ARHGAP10: variants seen among roughly 807,000 people sequenced by gnomAD.
ARHGAP10 encodes the protein rho GTPase-activating protein 10.
Under a neutral mutation model 108.6 loss-of-function variants are expected in ARHGAP10, and 87 were observed. The ratio of observed to expected loss-of-function variants is 0.80; its 90% CI spans 0.67 to 0.96. The LOEUF (loss-of-function observed/expected upper bound fraction) is 0.96. Among genes scored for constraint, ARHGAP10 ranks in the 40% least tolerant of loss-of-function variants. The probability of loss-of-function intolerance (pLI) is 0.00; values close to 1 mark genes in which losing one functional copy is unlikely to be tolerated. For synonymous variants in ARHGAP10, 347 were observed against 341.1 expected, an observed-to-expected ratio of 1.02 and a Z score of -0.19; for missense variants, 939 against 954.5, an observed-to-expected ratio of 0.98 and a Z score of 0.21.
intron 18 of ARHGAP10, among the ~76,000 whole-genome samples, chr4:148,021,030 G>A (rs1741548592): frequency 6.6e-6 from 1 of 152,158 alleles, no homozygotes; most frequent in Non-Finnish European, 1.5e-5. Context: ...AATCACCTGA[G>A]GAGCTTTAAG....
At chr4:147,771,877 C>T (rs1730097797) in intron 1 of ARHGAP10, among the ~76,000 whole-genome samples, 5 of 152,232 alleles carry the variant, frequency 3.3e-5, no homozygotes, top group Admixed American at 2.0e-4. Context: ...CTGCAACCTC[C>T]ACCTCCCAGG....
chr4:147,886,328 C>T (rs1271226104), intron 10 of ARHGAP10, among the ~76,000 whole-genome samples: 1 of 152,160 alleles, frequency 6.6e-6, no homozygotes, highest in Non-Finnish European at 1.5e-5. Flanking sequence ...AAGTTCCTCT[C>T]CTTCAGTGAC....
chr4:147,874,850 C>A (rs1026182115), intron 7 of ARHGAP10, among the ~76,000 whole-genome samples, 171 bp from the exon 8 acceptor site: 1 of 151,762 alleles, frequency 6.6e-6, no homozygotes, highest in Non-Finnish European at 1.5e-5. Flanking sequence ...TTTTTCTTTG[C>A]ACATGAATCT....
chr4:147,961,798 C>T (rs1456619868), intron 16 of ARHGAP10, among the ~76,000 whole-genome samples: 3 of 152,260 alleles, frequency 2.0e-5, no homozygotes, highest in Middle Eastern at 3.4e-3. Context: ...CCTTACCTCT[C>T]GAGTCCACTG....
Position 147,846,788 on chromosome 4 carries a change from T to G in ARHGAP10, c.313-363T>G, listed in dbSNP as rs149296751. On this transcript the variant is annotated intron_variant, in intron 3 of 22. Coordinates refer to ENST00000336498, the MANE Select transcript of ARHGAP10 (RefSeq NM_024605.4). ...ATCAATAAAGGAATGTAATTGAATT[T>G]TAAATTTCTAAGGAGGGGGAAGGAA... is the stretch of plus-strand genomic sequence containing the variant. Among the ~76,000 whole-genome samples, 154 of 152,302 alleles carry G rather than the reference T, an allele frequency of 1.0e-3. 4 individuals are homozygous for G. The East Asian group carries it at 0.021, about 21-fold the overall frequency.
Position 148,002,308 on chromosome 4 carries a change from G to A in ARHGAP10, c.1717-20955G>A, listed in dbSNP as rs537193951. ...AGCTTTTTGATGTGCTGCTGGATTC[G>A]GTTTGCCAGTATTTTATTGAGGATT... On this transcript the variant is annotated intron_variant, in intron 18 of 22. Coordinates refer to ENST00000336498, the MANE Select transcript of ARHGAP10 (RefSeq NM_024605.4). Among the ~76,000 whole-genome samples the A allele has an allele frequency of 2.1e-3, 327 of 152,192 alleles. 1 individual carries two copies. Among genetic ancestry groups the A allele is most frequent in the African/African-American group, 5.8e-3 (241 of 41,540 alleles).
Position 148,072,048 on chromosome 4 carries a change from G to C in ARHGAP10, c.2328G>C (p.Gly776=), listed in dbSNP as rs1730205911. The part of the protein sequence containing the change: ...WLEGTLNGKR[G]LIPQNYVKLL ...AAGGGACTCTGAACGGCAAGAGGGGGCTGATTCCACAGAACTACGTCAAGC... is the reference window on the plus strand; with the variant it reads ...AAGGGACTCTGAACGGCAAGAGGGGCCTGATTCCACAGAACTACGTCAAGC... The change falls in exon 23 of 23, where the codon GGG becomes GGC. Residue 776 remains glycine, a synonymous_variant. Transcript: ENST00000336498. 5 of 1,613,582 alleles carry C rather than the reference G, an allele frequency of 3.1e-6. No individual in the cohort carries two copies. The highest frequency in any genetic ancestry group is 1.7e-5 in the Admixed American group (1 of 59,986).
At chr4:147,837,683 C>G (rs1686911570) in intron 3 of ARHGAP10, among the ~76,000 whole-genome samples, 1 of 58,150 alleles carries the variant, frequency 1.7e-5, no homozygotes, top group Non-Finnish European at 4.4e-5. Context: ...CTTTTGAATC[C>G]AAGTCTTGGA....
chr4:147,858,487 A>C (rs1203442889), intron 5 of ARHGAP10: 4 of 152,240 alleles, frequency 2.6e-5, no homozygotes, highest in Non-Finnish European at 4.4e-5. Context: ...CTATTTAGTT[A>C]CATACTCTGT....
chr4:147,818,922 G>A (rs959450803), intron 1 of ARHGAP10, among the ~76,000 whole-genome samples: 2 of 152,166 alleles, frequency 1.3e-5, no homozygotes, highest in East Asian at 1.9e-4. Flanking sequence ...ATGAACTCTG[G>A]TAAAACCCTA....
chr4:147,851,974 C>T (rs75955913), intron 4 of ARHGAP10, among the ~76,000 whole-genome samples: 3 of 152,136 alleles, frequency 2.0e-5, no homozygotes, highest in African/African-American at 7.2e-5. Context: ...CTTAAGGCCT[C>T]TAAGTCTCAG....
chr4:148,039,224 T>C (rs192328231), intron 19 of ARHGAP10, among the ~76,000 whole-genome samples: 43 of 152,242 alleles, frequency 2.8e-4, no homozygotes, highest in Non-Finnish European at 5.6e-4. Context: ...GAGAGTGTTA[T>C]CAGTATAGTT....
At chr4:147,802,075 C>G (rs1454794613) in intron 1 of ARHGAP10, among the ~76,000 whole-genome samples, 5 of 152,190 alleles carry the variant, frequency 3.3e-5, no homozygotes, top group Non-Finnish European at 7.3e-5. Context: ...GTAATGATGA[C>G]TGACAGGTCG....
At chr4:147,912,593 A>ATATG (rs1736800781) in intron 12 of ARHGAP10, among the ~76,000 whole-genome samples, 1 of 98,482 alleles carries the variant, frequency 1.0e-5, no homozygotes, top group African/African-American at 3.4e-5. Context: ...ATATATATAT[A>ATATG]TATATAAAAT....
chr4:147,982,425 A>C (rs1269009824), intron 18 of ARHGAP10, among the ~76,000 whole-genome samples: 1 of 143,146 alleles, frequency 7.0e-6, no homozygotes, highest in African/African-American at 2.6e-5. Context: ...GCTGGAGTGC[A>C]GTGGTGCAAT....
At chr4:147,828,713 T>A (rs985792191) in intron 3 of ARHGAP10, among the ~76,000 whole-genome samples, 2 of 152,182 alleles carry the variant, frequency 1.3e-5, no homozygotes, top group Non-Finnish European at 2.9e-5. Flanking sequence ...GCATAGCCCC[T>A]TCCTTTCCCC....
intron 10 of ARHGAP10, among the ~76,000 whole-genome samples, chr4:147,885,825 T>C (rs1735526989): frequency 1.3e-5 from 2 of 152,228 alleles, no homozygotes; most frequent in Admixed American, 1.3e-4. Context: ...CACTTGAAAG[T>C]ATATCTCTTG....
rs1226915430 is a variant in ARHGAP10, at chr4:147,751,529, ATT to A, written c.154+19081_154+19082del. On this transcript the variant is annotated intron_variant, in intron 1 of 22. Transcript: ENST00000336498. ...CAGGCGCATGCTACCACGCCTGGCC[ATT>A]TTTTTTGTATTTTTAGTAGAGATGG... Among the ~76,000 whole-genome samples, 616 of 151,250 alleles carry A rather than the reference ATT, an allele frequency of 4.1e-3. 6 individuals are homozygous for A. The highest frequency in any genetic ancestry group is 0.03 in the East Asian group (155 of 5,108).
intron 7 of ARHGAP10, among the ~76,000 whole-genome samples, chr4:147,869,843 A>G (rs1579138758): frequency 6.6e-6 from 1 of 152,080 alleles, no homozygotes; most frequent in African/African-American, 2.4e-5. Context: ...TATGAAAAGC[A>G]GGTCACTCAT....
Sources: allele counts gnomAD v4.1 joint callset (sites outside exome capture counted in the v4.1 genomes callset), GRCh38; gene constraint gnomAD v4.1.1; transcripts MANE v1.5; gene names NCBI Gene and HGNC (gene_info 2026-07-23, HGNC 2026-07-21).